ARHGAP26: variants seen among roughly 807,000 people sequenced by gnomAD.
The protein encoded by ARHGAP26 is Rho GTPase activating protein 26.
Under a neutral mutation model 104.8 loss-of-function variants are expected in ARHGAP26, and 38 were observed. The ratio of observed to expected loss-of-function variants is 0.36; its 90% CI spans 0.28 to 0.48. ARHGAP26 has a LOEUF of 0.48. Ranked by LOEUF, ARHGAP26 falls within the 20% of genes least tolerant of loss-of-function variation. ARHGAP26 has a pLI of 0.99. For synonymous variants in ARHGAP26, 341 were observed against 340.0 expected, an observed-to-expected ratio of 1.00 and a Z score of -0.03; for missense variants, 704 against 947.9, an observed-to-expected ratio of 0.74 and a Z score of 3.38.
chr5:142,941,255 A>G (rs1192511033), intron 11 of ARHGAP26, among the ~76,000 whole-genome samples: 2 of 151,978 alleles, frequency 1.3e-5, no homozygotes, highest in Non-Finnish European at 2.9e-5. Context: ...TCTTTTCTCC[A>G]CAACCTCACT....
chr5:142,849,431 A>C (rs1751082280), intron 1 of ARHGAP26, among the ~76,000 whole-genome samples: 2 of 152,236 alleles, frequency 1.3e-5, no homozygotes. Flanking sequence ...ACTTTCAAAC[A>C]GCCGCCGTGA....
rs1554167353 is a variant in ARHGAP26 at position 142,949,232 on chromosome 5, G to GGA, written c.1107+17131_1107+17132dup. Among the ~76,000 whole-genome samples the GGA allele has an allele frequency of 5.1e-3, 140 of 27,314 alleles. 10 individuals are homozygous for GGA. The highest frequency in any genetic ancestry group is 5.4e-3 in the Non-Finnish European group (92 of 16,970). 17.9% of individuals were successfully genotyped at this position (27,314 alleles called of 152,430 possible). On this transcript the variant is annotated intron_variant, in intron 11 of 22. Coordinates refer to ENST00000645722, the MANE Select transcript of ARHGAP26 (RefSeq NM_001135608.3). ...GAGAGAGAGAGAGAGGAGAGAGAGA[G>GGA]GAGAGAGAGAGAGAGAGAGAGAGAG...
At chr5:142,894,446 G>A in intron 6 of ARHGAP26, 98 bp downstream of exon 6, 1 of 1,121,244 alleles carries the variant, frequency 8.9e-7, no homozygotes, top group Non-Finnish European at 1.3e-6. Flanking sequence ...TGATGAAGAG[G>A]TTGAGCAGCC....
intron 11 of ARHGAP26, among the ~76,000 whole-genome samples, chr5:142,995,643 C>T (rs1248987735): frequency 1.3e-5 from 2 of 152,124 alleles, no homozygotes; most frequent in Admixed American, 1.3e-4. Flanking sequence ...ACCATTTGAC[C>T]CAGCAATCCC....
chr5:142,790,516 C>T (rs75428136), intron 1 of ARHGAP26, among the ~76,000 whole-genome samples: 2 of 152,262 alleles, frequency 1.3e-5, no homozygotes, highest in East Asian at 3.9e-4. Flanking sequence ...AAGTCATAAA[C>T]CTTATTCCAC....
chr5:142,884,934 A>G (rs1011122573), intron 4 of ARHGAP26, among the ~76,000 whole-genome samples: 1 of 151,958 alleles, frequency 6.6e-6, no homozygotes, highest in African/African-American at 2.4e-5. Flanking sequence ...CTTCATAGGT[A>G]CCCCCACTGC....
chr5:142,838,656 A>G (rs569719295), intron 1 of ARHGAP26, among the ~76,000 whole-genome samples: 13 of 152,344 alleles, frequency 8.5e-5, no homozygotes, highest in Admixed American at 7.8e-4. Context: ...AGTGTCCTGT[A>G]TATAGTGGGG....
intron 2 of ARHGAP26, among the ~76,000 whole-genome samples, chr5:142,874,736 C>T (rs144030666): frequency 1.3e-4 from 20 of 152,188 alleles, no homozygotes; most frequent in African/African-American, 3.4e-4. Flanking sequence ...TCTGACGCAA[C>T]GCCATGACAA....
At chr5:143,214,281 C>T (rs911797158) in intron 22 of ARHGAP26, among the ~76,000 whole-genome samples, 193 bp downstream of exon 22, 12 of 152,166 alleles carry the variant, frequency 7.9e-5, no homozygotes, top group Admixed American at 1.3e-4. Flanking sequence ...GCAGGACTTC[C>T]GGAGACATTG....
intron 20 of ARHGAP26, among the ~76,000 whole-genome samples, chr5:143,176,190 G>A (rs1316795357): frequency 6.6e-6 from 1 of 152,140 alleles, no homozygotes; most frequent in Non-Finnish European, 1.5e-5. Context: ...TGAGATTTAT[G>A]TCTTCTCTTA....
intron 12 of ARHGAP26, among the ~76,000 whole-genome samples, chr5:143,027,990 T>G (rs1781312681): frequency 6.6e-6 from 1 of 152,176 alleles, no homozygotes; most frequent in African/African-American, 2.4e-5. Context: ...CAGAACCTGA[T>G]CCACAGCCCC....
intron 1 of ARHGAP26, among the ~76,000 whole-genome samples, chr5:142,802,706 T>C (rs1762306434): frequency 6.6e-6 from 1 of 152,136 alleles, no homozygotes; most frequent in Non-Finnish European, 1.5e-5. Flanking sequence ...ACAGCTGTAT[T>C]GAAATACAAT....
intron 20 of ARHGAP26, among the ~76,000 whole-genome samples, chr5:143,195,284 G>A (rs1289678142): frequency 6.6e-6 from 1 of 152,174 alleles, no homozygotes; most frequent in African/African-American, 2.4e-5. Flanking sequence ...AAATATTATA[G>A]TAGGCTCCTT....
At chr5:143,041,119 T>G (rs1178107812) in intron 13 of ARHGAP26, among the ~76,000 whole-genome samples, 1 of 152,234 alleles carries the variant, frequency 6.6e-6, no homozygotes, top group Non-Finnish European at 1.5e-5. Context: ...TCACCTGGTC[T>G]AAATTGCCTT....
At chr5:143,105,424 T>A (rs971611419) in intron 17 of ARHGAP26, among the ~76,000 whole-genome samples, 9 of 114,290 alleles carry the variant, frequency 7.9e-5, no homozygotes, top group South Asian at 5.8e-4. Context: ...TAAATAAATA[T>A]AAAAATAGGT....
intron 11 of ARHGAP26, among the ~76,000 whole-genome samples, chr5:142,957,889 C>T (rs1330605235): frequency 6.6e-6 from 1 of 152,218 alleles, no homozygotes; most frequent in Non-Finnish European, 1.5e-5. Flanking sequence ...TGCACATGCT[C>T]AGGTTCTCAA....
intron 9 of ARHGAP26, chr5:142,908,607 T>G (rs1370247147): frequency 1.9e-5 from 3 of 153,914 alleles, no homozygotes; most frequent in Non-Finnish European, 4.4e-5. Flanking sequence ...ATCTCAGAAG[T>G]CATAGAGCCT....
Position 142,800,897 on chromosome 5 carries a change from G to A in ARHGAP26, c.154+29982G>A, listed in dbSNP as rs1761958777. On this transcript the variant is annotated intron_variant, in intron 1 of 22. Coordinates refer to ENST00000645722, the MANE Select transcript of ARHGAP26 (RefSeq NM_001135608.3). ...GCAGAGAGAGATCAAAATGATGCCA[G>A]GTTCATTTTTTGTTCCAGTCTAAGA... is the stretch of plus-strand genomic sequence containing the variant. Among the ~76,000 whole-genome samples the A allele has an allele frequency of 2.0e-5, 3 of 152,264 alleles. No homozygotes were observed. The South Asian group carries it at 6.2e-4, about 32-fold the overall frequency.
intron 1 of ARHGAP26, among the ~76,000 whole-genome samples, chr5:142,775,510 G>A (rs1167469212): frequency 6.6e-6 from 1 of 152,100 alleles, no homozygotes; most frequent in Non-Finnish European, 1.5e-5. Context: ...TACCACTTTA[G>A]TCATTTTTAA....
Sources: allele counts gnomAD v4.1 joint callset (sites outside exome capture counted in the v4.1 genomes callset), GRCh38; gene constraint gnomAD v4.1.1; transcripts MANE v1.5; gene names NCBI Gene and HGNC (gene_info 2026-07-23, HGNC 2026-07-21).